ADD3: variants seen among roughly 807,000 people sequenced by gnomAD.
ADD3 encodes the protein gamma-adducin.
ADD3 carries 25 observed loss-of-function variants against 80.2 expected under a neutral mutation model. The ratio of observed to expected loss-of-function variants is 0.31; its 90% CI spans 0.23 to 0.44. The LOEUF is 0.44. Among genes scored for constraint, ADD3 ranks in the 20% least tolerant of loss-of-function variants. ADD3 has a pLI of 1.00. For missense variants in ADD3, 829 were observed against 847.5 expected (o/e 0.98, Z 0.27); for synonymous variants, 284 against 289.6 (o/e 0.98, Z 0.20).
intron 13 of ADD3, 92 bp from the exon 14 acceptor site, chr10:110,132,213 T>A: frequency 3.9e-6 from 3 of 772,084 alleles, no homozygotes; most frequent in Non-Finnish European, 6.7e-6. Flanking sequence ...TCTCTTTGTA[T>A]ACAGGCATTT....
At chr10:110,083,852 A>G (rs1428733123) in intron 1 of ADD3, among the ~76,000 whole-genome samples, 1 of 152,228 alleles carries the variant, frequency 6.6e-6, no homozygotes, top group Non-Finnish European at 1.5e-5. Flanking sequence ...AAGGTTTAAA[A>G]TAACACTTTC....
chr10:110,006,922 G>T (rs929053854), upstream of ADD3, among the ~76,000 whole-genome samples: 1 of 152,290 alleles, frequency 6.6e-6, no homozygotes, highest in Non-Finnish European at 1.5e-5. Context: ...AAGGGACCAT[G>T]AATCATTAGA....
At chr10:110,014,689 G>T (rs1439218694) in intron 1 of ADD3, among the ~76,000 whole-genome samples, 1 of 151,910 alleles carries the variant, frequency 6.6e-6, no homozygotes, top group Non-Finnish European at 1.5e-5. Context: ...CACCACGCCC[G>T]GCTAATTTTG....
At chr10:110,127,110 C>G (rs12266977) in intron 12 of ADD3, among the ~76,000 whole-genome samples, 20,091 of 152,168 alleles carry the variant, frequency 0.13, 4,267 homozygotes, top group African/African-American at 0.45. Context: ...TCCCCATTCT[C>G]CCAGTAAGGA....
At chr10:110,012,272 A>T (rs762777763) in intron 1 of ADD3, among the ~76,000 whole-genome samples, 8 of 152,222 alleles carry the variant, frequency 5.3e-5, no homozygotes, top group Non-Finnish European at 8.8e-5. Context: ...TATTTATTTC[A>T]TGTGTATTTT....
intron 2 of ADD3, 87 bp downstream of exon 2, chr10:110,100,935 G>A: frequency 8.1e-7 from 1 of 1,238,878 alleles, no homozygotes. Context: ...CTACCCTCAG[G>A]TTAAAAGAGG....
chr10:110,097,017 G>T (rs1848247994), intron 1 of ADD3, among the ~76,000 whole-genome samples: 1 of 152,076 alleles, frequency 6.6e-6, no homozygotes, highest in African/African-American at 2.4e-5. Flanking sequence ...GAACATAGGG[G>T]TATTTTTCTC....
chr10:110,007,652 C>CCAGGCCCTCCCGGCTGCCGGGCCTG (rs1241397636), upstream of ADD3, among the ~76,000 whole-genome samples: 1 of 152,194 alleles, frequency 6.6e-6, no homozygotes, highest in Non-Finnish European at 1.5e-5. Context: ...CCGCCCCGAA[C>CCAGGCCCTCCCGGCTGCCGGGCCTG]CAGGCCCTCC....
chr10:110,123,019 C>T (rs1590223419), intron 9 of ADD3, among the ~76,000 whole-genome samples: 3 of 152,074 alleles, frequency 2.0e-5, no homozygotes, highest in African/African-American at 7.2e-5. Flanking sequence ...ATACAATGTC[C>T]TCTAGGTTCA....
chr10:110,132,265 T>G, intron 13 of ADD3, 40 bp from the exon 14 acceptor site: 1 of 1,460,052 alleles, frequency 6.8e-7, no homozygotes, highest in Non-Finnish European at 9.6e-7. Flanking sequence ...GCTGCTTTGT[T>G]TTGTTTTGCA....
At chr10:110,130,925 AAGTG>A (rs1852897155) in intron 13 of ADD3, among the ~76,000 whole-genome samples, 1 of 152,172 alleles carries the variant, frequency 6.6e-6, no homozygotes, top group African/African-American at 2.4e-5. Context: ...ATCTTCTAGA[AAGTG>A]AGATTCCCAG....
At chr10:110,098,164 T>C (rs1848396965) in intron 1 of ADD3, among the ~76,000 whole-genome samples, 1 of 152,180 alleles carries the variant, frequency 6.6e-6, no homozygotes, top group Non-Finnish European at 1.5e-5. Flanking sequence ...AGTCAATTGA[T>C]TTGATTCAGA....
rs753083630 is a variant in ADD3 at position 110,133,472 on chromosome 10, G to C, written c.1975G>C (p.Glu659Gln). ...LSTSTTIENI[E>Q]ITIKSPEKIE... The stretch of plus-strand genomic sequence containing the variant: ...CACAAGTACAACCATAGAAAACATC[G>C]AGATTACTATTAAGTCTCCAGAGAA... Residue 659 changes from glutamate (E) to glutamine (Q), a missense_variant, in exon 15 of 15, where the codon GAG becomes CAG. Transcript: ENST00000356080. The C allele has an allele frequency of 1.6e-5, 26 of 1,613,746 alleles. No homozygotes were observed. The highest frequency in any genetic ancestry group is 1.6e-4 in the Middle Eastern group (1 of 6,080).
chr10:110,064,631 G>T (rs1843685888), intron 1 of ADD3, among the ~76,000 whole-genome samples: 1 of 151,916 alleles, frequency 6.6e-6, no homozygotes, highest in African/African-American at 2.4e-5. Flanking sequence ...ATATATTCTG[G>T]ATTATCTTTT....
intron 1 of ADD3, among the ~76,000 whole-genome samples, chr10:110,094,149 G>T (rs988652003): frequency 1.3e-5 from 2 of 152,022 alleles, no homozygotes; most frequent in African/African-American, 4.8e-5. Flanking sequence ...TAGAATTTTA[G>T]TTCTTCTTAA....
chr10:110,126,286 T>C, intron 11 of ADD3, 131 bp from the exon 12 acceptor site: 1 of 676,292 alleles, frequency 1.5e-6, no homozygotes, highest in Non-Finnish European at 2.5e-6. Flanking sequence ...AAAGAGGTCT[T>C]TATGGAGGTG....
At chr10:110,043,247 G>A (rs529346422) in intron 1 of ADD3, among the ~76,000 whole-genome samples, 1 of 152,234 alleles carries the variant, frequency 6.6e-6, no homozygotes, top group South Asian at 2.1e-4. Flanking sequence ...CTTTTAACTT[G>A]CATCCGAATT....
chr10:110,050,764 C>T (rs981447555), intron 1 of ADD3, among the ~76,000 whole-genome samples: 9 of 152,106 alleles, frequency 5.9e-5, no homozygotes, highest in South Asian at 2.1e-4. Flanking sequence ...CTGCCCATCT[C>T]GGCCTCCCAA....
intron 1 of ADD3, among the ~76,000 whole-genome samples, chr10:110,052,128 G>A (rs989035961): frequency 1.2e-4 from 18 of 152,008 alleles, no homozygotes; most frequent in African/African-American, 4.4e-4. Flanking sequence ...CCACTGAATT[G>A]TTTACTATGT....
Sources: allele counts gnomAD v4.1 joint callset (sites outside exome capture counted in the v4.1 genomes callset), GRCh38; gene constraint gnomAD v4.1.1; transcripts MANE v1.5; gene names NCBI Gene and HGNC (gene_info 2026-07-23, HGNC 2026-07-21).